Variants in AGPS observed in about 807,000 individuals in gnomAD.
The protein encoded by AGPS is alkyldihydroxyacetonephosphate synthase, peroxisomal.
In AGPS, 26 loss-of-function variants were observed where a neutral mutation model predicts 90.7. The ratio of observed to expected loss-of-function variants is 0.29; its 90% CI spans 0.21 to 0.40. The LOEUF is 0.40. AGPS is among the 10% of genes least tolerant of loss of function. The pLI is 1.00. For synonymous variants in AGPS, 294 were observed against 285.3 expected (o/e 1.03, Z -0.31); for missense variants, 540 against 816.1 (o/e 0.66, Z 4.12).
chr2:177,436,483 T>A (rs1686416236), intron 3 of AGPS, among the ~76,000 whole-genome samples: 1 of 152,136 alleles, frequency 6.6e-6, no homozygotes, highest in Admixed American at 6.5e-5. Flanking sequence ...GGTATAAGTG[T>A]AGATAGTGCG....
intron 19 of AGPS, among the ~76,000 whole-genome samples, chr2:177,533,467 T>A (rs1425076135): frequency 6.6e-6 from 1 of 152,112 alleles, no homozygotes; most frequent in Non-Finnish European, 1.5e-5. Context: ...GGCTGTCTCT[T>A]ACCACATGCT....
Position 177,494,273 on chromosome 2 carries a change from A to T in AGPS, c.1285+1074A>T, listed in dbSNP as rs116156884. Among the ~76,000 whole-genome samples, 707 of 152,346 alleles carry T rather than the reference A, an allele frequency of 4.6e-3. 4 individuals are homozygous for T. Among genetic ancestry groups the T allele is most frequent in the African/African-American group, 0.016 (667 of 41,590 alleles). On this transcript the variant is annotated intron_variant, in intron 12 of 19. Coordinates refer to ENST00000264167, the MANE Select transcript of AGPS (RefSeq NM_003659.4). The stretch of plus-strand genomic sequence containing the variant: ...ACTTAACTAAAGTCAGGTTCGTAAC[A>T]TATTAAGAGTTTTAAAATTACATTC...
chr2:177,521,329 G>C lies in AGPS; in HGVS notation c.1758G>C (p.Arg586Ser), dbSNP rs1689186328. 6.2e-7 allele frequency: 1 copy of C among 1,613,916 alleles called. No homozygotes were observed. Residue 586 changes from arginine (R) to serine (S), a missense_variant, in exon 18 of 20, where the codon AGG becomes AGC. Arg to Ser is a moderately radical substitution (Grantham distance 110, BLOSUM62 -1). Coordinates refer to ENST00000264167, the MANE Select transcript of AGPS (RefSeq NM_003659.4). The part of the protein sequence containing the change: ...CIYFYFAFNY[R>S]GISDPLTVFE... ...ACTTCTATTTTGCCTTTAACTACAG[G>C]GGAATTAGTGACCCACTGACCGTAT... is the stretch of plus-strand genomic sequence containing the variant.
At chr2:177,482,488 G>A (rs1283906576) in intron 11 of AGPS, among the ~76,000 whole-genome samples, 1 of 151,942 alleles carries the variant, frequency 6.6e-6, no homozygotes, top group Non-Finnish European at 1.5e-5. Flanking sequence ...AGATGACTTT[G>A]CCTTTTATTG....
At chr2:177,420,130 T>A (rs992243499) in intron 1 of AGPS, 139 bp from the exon 2 acceptor site, 1 of 592,810 alleles carries the variant, frequency 1.7e-6, no homozygotes, top group African/African-American at 1.9e-5. Flanking sequence ...TTTTAATGTG[T>A]GCTAATTTTA....
At chr2:177,421,141 G>A (rs1381888948) in intron 2 of AGPS, among the ~76,000 whole-genome samples, 4 of 151,970 alleles carry the variant, frequency 2.6e-5, no homozygotes, top group African/African-American at 9.7e-5. Flanking sequence ...CTTTGCCAAA[G>A]CTCTGTTTTT....
At position 177,423,074 on chromosome 2, in the gene AGPS, TA is replaced by T. The variant is rs1283492630; in HGVS notation, c.350+2717del. On this transcript the variant is annotated intron_variant, in intron 2 of 19. Transcript: ENST00000264167. Reference sequence around the variant, plus strand: ...AACTTCATTCTTCTGCAGTTTCTATTATACTGTGCTTCTGAGTTATTTCTGT... The same window carrying T: ...AACTTCATTCTTCTGCAGTTTCTATTTACTGTGCTTCTGAGTTATTTCTGT... Among the ~76,000 whole-genome samples the T allele has an allele frequency of 5.4e-5, 4 of 73,732 alleles. 2 individuals are homozygous for T. The highest frequency in any genetic ancestry group is 1.3e-4 in the Non-Finnish European group (4 of 29,876). 48.4% of individuals were successfully genotyped at this position (73,732 alleles called of 152,430 possible).
At chr2:177,482,005 G>T in intron 10 of AGPS, 54 bp from the exon 11 acceptor site, 3 of 1,496,328 alleles carry the variant, frequency 2.0e-6, no homozygotes, top group Non-Finnish European at 2.7e-6. Context: ...ATTTAAATAT[G>T]ATTTAGAAAA....
intron 19 of AGPS, among the ~76,000 whole-genome samples, chr2:177,537,758 G>A (rs917012413): frequency 6.6e-6 from 1 of 151,994 alleles, no homozygotes; most frequent in African/African-American, 2.4e-5. Flanking sequence ...GGCAGAGGTG[G>A]GTTCTTTCGA....
chr2:177,432,131 G>C (rs1055791761), intron 2 of AGPS, among the ~76,000 whole-genome samples: 1 of 152,140 alleles, frequency 6.6e-6, no homozygotes, highest in Admixed American at 6.5e-5. Flanking sequence ...GTCCTGATGT[G>C]CACTTCCCTC....
At chr2:177,427,418 A>G (rs1686117462) in intron 2 of AGPS, among the ~76,000 whole-genome samples, 1 of 151,952 alleles carries the variant, frequency 6.6e-6, no homozygotes, top group Non-Finnish European at 1.5e-5. Flanking sequence ...TTGGTTCTCT[A>G]GTTCTTTTAG....
At chr2:177,401,750 G>C (rs1191505137) in intron 1 of AGPS, among the ~76,000 whole-genome samples, 1 of 152,058 alleles carries the variant, frequency 6.6e-6, no homozygotes, top group African/African-American at 2.4e-5. Flanking sequence ...TCACCCTGTT[G>C]GACCATGCTA....
intron 11 of AGPS, among the ~76,000 whole-genome samples, chr2:177,489,981 G>T (rs907691627): frequency 6.6e-6 from 1 of 152,084 alleles, no homozygotes; most frequent in African/African-American, 2.4e-5. Flanking sequence ...TAAATAACAT[G>T]GGAGTGAATT....
At chr2:177,535,215 A>G (rs536330598) in intron 19 of AGPS, among the ~76,000 whole-genome samples, 13 of 152,352 alleles carry the variant, frequency 8.5e-5, no homozygotes, top group African/African-American at 3.1e-4. Flanking sequence ...CATGCCTTTC[A>G]GTAGATAACT....
intron 2 of AGPS, among the ~76,000 whole-genome samples, chr2:177,425,324 T>G (rs1380822125): frequency 6.6e-6 from 1 of 152,066 alleles, no homozygotes; most frequent in Admixed American, 6.6e-5. Context: ...CACCATTTAT[T>G]AAATAGGGAA....
At chr2:177,411,766 C>T (rs149805442) in intron 1 of AGPS, among the ~76,000 whole-genome samples, 1 of 152,190 alleles carries the variant, frequency 6.6e-6, no homozygotes, top group Non-Finnish European at 1.5e-5. Flanking sequence ...TGTCTTTCCT[C>T]TCCTTGACTT....
At chr2:177,427,541 C>CT (rs1559041528) in intron 2 of AGPS, among the ~76,000 whole-genome samples, 1 of 152,078 alleles carries the variant, frequency 6.6e-6, no homozygotes, top group Admixed American at 6.6e-5. Context: ...GATTCTGGTA[C>CT]TTTGTTTCTT....
At chr2:177,438,030 T>C (rs1173434034) in intron 5 of AGPS, among the ~76,000 whole-genome samples, 1 of 152,250 alleles carries the variant, frequency 6.6e-6, no homozygotes, top group Non-Finnish European at 1.5e-5. Context: ...GGAAAAGATA[T>C]TCTCCAATAG....
intron 8 of AGPS, among the ~76,000 whole-genome samples, chr2:177,447,108 G>T (rs193194992): frequency 1.1e-3 from 160 of 152,174 alleles, no homozygotes; most frequent in African/African-American, 3.6e-3. Context: ...TTCAACTTGG[G>T]TTATAGAGAC....
Sources: allele counts gnomAD v4.1 joint callset (sites outside exome capture counted in the v4.1 genomes callset), GRCh38; gene constraint gnomAD v4.1.1; transcripts MANE v1.5; gene names NCBI Gene and HGNC (gene_info 2026-07-23, HGNC 2026-07-21).